Variants in PARN observed in about 807,000 individuals in gnomAD.
PARN encodes the protein poly(A)-specific ribonuclease PARN.
PARN carries 71 observed loss-of-function variants against 102.8 expected under a neutral mutation model. The observed-to-expected ratio is 0.69, with a 90% CI of 0.57 to 0.84. The LOEUF is 0.84. PARN is among the 40% of genes least tolerant of loss of function. PARN has a pLI of 0.00. For synonymous variants in PARN, 261 were observed against 252.9 expected (o/e 1.03, Z -0.30); for missense variants, 782 against 760.9 (o/e 1.03, Z -0.33).
chr16:14,493,440 TCCTGGGCACAAGCGATCCA>T (rs1251028688), intron 21 of PARN, among the ~76,000 whole-genome samples: 2 of 152,182 alleles, frequency 1.3e-5, no homozygotes, highest in Admixed American at 6.5e-5. Flanking sequence ...GTTCTCAAAC[TCCTGGGCACAAGCGATCCA>T]CCCATGTTGG....
chr16:14,516,845 A>G (rs1159150406), intron 21 of PARN, among the ~76,000 whole-genome samples: 2 of 152,244 alleles, frequency 1.3e-5, no homozygotes, highest in Non-Finnish European at 2.9e-5. Flanking sequence ...AGAGTATACA[A>G]TGGCTATTTG....
At chr16:14,551,882 T>A (rs1221149433) in intron 21 of PARN, 139 bp downstream of exon 21, 1 of 609,106 alleles carries the variant, frequency 1.6e-6, no homozygotes, top group Non-Finnish European at 3.0e-6. Flanking sequence ...ATTTCATTTA[T>A]TTCAGAGACA....
intron 13 of PARN, among the ~76,000 whole-genome samples, chr16:14,590,176 A>G (rs1970094807): frequency 7.0e-6 from 1 of 141,958 alleles, no homozygotes; most frequent in Non-Finnish European, 1.5e-5. Flanking sequence ...ACTTGAACAC[A>G]GGAGGCCGAG....
intron 21 of PARN, among the ~76,000 whole-genome samples, chr16:14,483,127 T>C (rs1466459237): frequency 6.6e-6 from 1 of 152,254 alleles, no homozygotes; most frequent in Non-Finnish European, 1.5e-5. Flanking sequence ...TTCAAAATAT[T>C]TGCAGCCAAC....
chr16:14,463,331 G>A (rs1042102297), intron 22 of PARN, among the ~76,000 whole-genome samples: 1 of 150,880 alleles, frequency 6.6e-6, no homozygotes, highest in African/African-American at 2.5e-5. Context: ...ACACCACAAG[G>A]TAAAATTTAT....
chr16:14,500,778 G>C (rs1265584209), intron 21 of PARN, among the ~76,000 whole-genome samples: 1 of 152,090 alleles, frequency 6.6e-6, no homozygotes, highest in Non-Finnish European at 1.5e-5. Context: ...AGCTTTCATG[G>C]AACCCAGCTA....
chr16:14,563,886 A>C (rs528705974), intron 18 of PARN, among the ~76,000 whole-genome samples: 15 of 151,640 alleles, frequency 9.9e-5, no homozygotes, highest in South Asian at 2.1e-4. Flanking sequence ...TTTTAAAAAG[A>C]AAAAAAAATT....
chr16:14,491,672 T>TACTCA (rs1964063567), intron 21 of PARN, among the ~76,000 whole-genome samples: 1 of 151,902 alleles, frequency 6.6e-6, no homozygotes, highest in Admixed American at 6.6e-5. Context: ...CTCAGAAGGC[T>TACTCA]GAAGTGGGAG....
intron 21 of PARN, among the ~76,000 whole-genome samples, chr16:14,534,884 G>A (rs1423205226): frequency 6.6e-6 from 1 of 150,820 alleles, no homozygotes; most frequent in Non-Finnish European, 1.5e-5. Flanking sequence ...GCCCAGGCTG[G>A]AGTGCAATGG....
chr16:14,504,328 G>C (rs2151629009), intron 21 of PARN, among the ~76,000 whole-genome samples: 1 of 152,256 alleles, frequency 6.6e-6, no homozygotes, highest in East Asian at 1.9e-4. Flanking sequence ...TGGCGACCGA[G>C]GTGGGTGAAT....
At chr16:14,601,195 G>C (rs1970845490) in intron 11 of PARN, among the ~76,000 whole-genome samples, 1 of 152,154 alleles carries the variant, frequency 6.6e-6, no homozygotes, top group East Asian at 1.9e-4. Context: ...ATTCACAATA[G>C]TCAAAAGCAA....
At chr16:14,437,029 T>C (rs1395358273) in intron 23 of PARN, among the ~76,000 whole-genome samples, 1 of 152,210 alleles carries the variant, frequency 6.6e-6, no homozygotes, top group Admixed American at 6.5e-5. Context: ...ATCTATCTAT[T>C]TATTTCACAG....
intron 22 of PARN, among the ~76,000 whole-genome samples, chr16:14,476,926 G>A (rs1963084369): frequency 6.6e-6 from 1 of 152,158 alleles, no homozygotes; most frequent in African/African-American, 2.4e-5. Flanking sequence ...AAAGGCAGTA[G>A]AATAAGAGGA....
At chr16:14,594,913 G>C (rs545219104) in intron 12 of PARN, among the ~76,000 whole-genome samples, 24 of 152,270 alleles carry the variant, frequency 1.6e-4, no homozygotes, top group African/African-American at 5.5e-4. Context: ...CTAAAATAAT[G>C]AGCATTGATT....
intron 21 of PARN, among the ~76,000 whole-genome samples, chr16:14,490,253 C>T (rs1348615771): frequency 2.0e-5 from 3 of 152,192 alleles, no homozygotes; most frequent in Non-Finnish European, 4.4e-5. Context: ...CAGCATTATC[C>T]TGGCTTTATA....
chr16:14,462,856 A>G (rs1014593701), intron 22 of PARN, among the ~76,000 whole-genome samples: 25 of 152,188 alleles, frequency 1.6e-4, no homozygotes, highest in African/African-American at 5.8e-4. Flanking sequence ...AAATACATGA[A>G]ACAATGGTTC....
intron 13 of PARN, among the ~76,000 whole-genome samples, chr16:14,592,256 C>A (rs575200151): frequency 6.6e-6 from 1 of 152,116 alleles, no homozygotes. Flanking sequence ...ATTTGAGCCA[C>A]GTCAATTCAA....
chr16:14,613,343 C>T (rs944169026), intron 6 of PARN, among the ~76,000 whole-genome samples: 1 of 149,912 alleles, frequency 6.7e-6, no homozygotes, highest in Non-Finnish European at 1.5e-5. Flanking sequence ...CCATGGGAGG[C>T]CGGGCGCCTG....
chr16:14,575,398 G>A (rs943131289), intron 18 of PARN, among the ~76,000 whole-genome samples: 2 of 152,204 alleles, frequency 1.3e-5, no homozygotes, highest in Non-Finnish European at 2.9e-5. Context: ...ATGGGAACTC[G>A]CCTCCTGCAT....
Sources: allele counts gnomAD v4.1 joint callset (sites outside exome capture counted in the v4.1 genomes callset), GRCh38; gene constraint gnomAD v4.1.1; transcripts MANE v1.5; gene names NCBI Gene and HGNC (gene_info 2026-07-23, HGNC 2026-07-21).